SYT2: variants seen among roughly 807,000 people sequenced by gnomAD.
The protein encoded by SYT2 is synaptotagmin 2.
Under a neutral mutation model 39.9 loss-of-function variants are expected in SYT2, and 15 were observed. The observed-to-expected ratio is 0.38, with a 90% CI of 0.25 to 0.58. The LOEUF is 0.58. Among genes scored for constraint, SYT2 ranks in the 20% least tolerant of loss-of-function variants. The pLI is 0.70. For missense variants in SYT2, 389 were observed against 530.3 expected (o/e 0.73, Z 2.62); for synonymous variants, 181 against 204.5 (o/e 0.89, Z 0.98).
intron 1 of SYT2, among the ~76,000 whole-genome samples, chr1:202,629,870 G>GT (rs955223177): frequency 7.3e-5 from 9 of 123,396 alleles, no homozygotes; most frequent in African/African-American, 1.5e-4. Context: ...CAGCTGGTGG[G>GT]GGGGGGGGGG....
chr1:202,596,619 A>T lies in SYT2; in HGVS notation c.*138T>A, dbSNP rs1690305606. On this transcript the variant is annotated 3_prime_UTR_variant, in exon 9 of 9. Transcript: ENST00000367268. ...AGGGAAGTTGGTCTTTAAAAAGAGA[A>T]AAACAAGGAAAAACAAGGACACAAC... is the stretch of plus-strand genomic sequence containing the variant. 4.8e-6 allele frequency: 4 copies of T among 827,978 alleles called. No homozygotes were observed. Among genetic ancestry groups the T allele is most frequent in the Non-Finnish European group, 7.4e-6 (4 of 542,832 alleles). The allele number at this position is 827,978 out of a possible 1,614,324, so 51.3% of individuals were successfully genotyped here.
chr1:202,625,211 A>G (rs62651581), intron 1 of SYT2, among the ~76,000 whole-genome samples: 7 of 59,792 alleles, frequency 1.2e-4, no homozygotes, highest in Admixed American at 2.0e-4. Context: ...TGTGTGTGTG[A>G]TGTTTGTGGT....
In SYT2 at chr1:202,614,964, C is replaced by T. The variant is rs540099116; in HGVS notation, c.-17-9175G>A. On this transcript the variant is annotated intron_variant, in intron 1 of 8. Coordinates refer to ENST00000367268, the MANE Select transcript of SYT2 (RefSeq NM_177402.5). This position sits in a 1 kb window ranked among gnomAD's most constrained non-coding sequence, Gnocchi z 4.0. ...CCTTTTAGGGTGGGGGCAGGGGTAACATGTACAAATGTATATTTTAAAAGT... is the reference window on the plus strand; with the variant it reads ...CCTTTTAGGGTGGGGGCAGGGGTAATATGTACAAATGTATATTTTAAAAGT... 6.6e-6 allele frequency among the ~76,000 whole-genome samples: 1 copy of T among 152,254 alleles called. No homozygotes were observed. Among genetic ancestry groups the T allele is most frequent in the South Asian group, 2.1e-4 (1 of 4,816 alleles).
intron 3 of SYT2, among the ~76,000 whole-genome samples, chr1:202,603,546 G>A (rs2149070094): frequency 6.6e-6 from 1 of 152,298 alleles, no homozygotes; most frequent in South Asian, 2.1e-4. Flanking sequence ...AGGCAGACAG[G>A]AGCAGAGTGA....
intron 1 of SYT2, among the ~76,000 whole-genome samples, chr1:202,631,805 C>T (rs1691601326): frequency 6.6e-6 from 1 of 152,144 alleles, no homozygotes; most frequent in Non-Finnish European, 1.5e-5. Flanking sequence ...TGAGGTTAGC[C>T]CACTATTGGG....
At chr1:202,667,203 A>T (rs900569359) in intron 1 of SYT2, among the ~76,000 whole-genome samples, 1 of 144,298 alleles carries the variant, frequency 6.9e-6, no homozygotes. Flanking sequence ...GGCTGGGAGG[A>T]AAAAAAGGAG....
intron 1 of SYT2, among the ~76,000 whole-genome samples, chr1:202,675,627 G>A (rs752421918): frequency 2.0e-5 from 3 of 152,080 alleles, no homozygotes; most frequent in Non-Finnish European, 4.4e-5. Context: ...CCTGGACACC[G>A]AGCAGGAAGA....
At position 202,593,346 on chromosome 1, in the gene SYT2, C is replaced by G. The variant is rs1690189027; in HGVS notation, c.*3411G>C. On this transcript the variant is annotated 3_prime_UTR_variant, in exon 9 of 9. Coordinates refer to ENST00000367268, the MANE Select transcript of SYT2 (RefSeq NM_177402.5). ...CTGTCACCCACCCTTACCCCCACCC[C>G]ACTGCATGGAGGCAGGTTTATAAGA... 6.6e-6 allele frequency: 1 copy of G among 152,218 alleles called. No individual in the cohort carries two copies. The highest frequency in any genetic ancestry group is 1.5e-5 in the Non-Finnish European group (1 of 68,068). The allele number at this position is 152,218 out of a possible 1,614,324, so 9.4% of individuals were successfully genotyped here. A position where few individuals can be genotyped will look rare whatever the true frequency, so the allele number is the denominator to read the frequency against.
At position 202,600,371 on chromosome 1, in the gene SYT2, A is replaced by AC; in HGVS notation, c.904dup (p.Val302GlyfsTer43). The AC allele has an allele frequency of 6.2e-7, 1 of 1,614,160 alleles. No homozygotes were observed. The highest frequency in any genetic ancestry group is 1.3e-5 in the African/African-American group (1 of 75,050). On this transcript the variant is annotated frameshift_variant, in exon 7 of 9. Transcript: ENST00000367268. LOFTEE classifies it high-confidence loss of function. ...TCTCCACGTACCTGAAAGGCCGCCC[A>AC]CGTCCATCTTCTTGAGGTTCTTAGC...
Position 202,600,373 on chromosome 1 carries a change from G to A in SYT2, c.903C>T (p.Asp301=), listed in dbSNP as rs780359132. The part of the protein sequence containing the change: ...ILEAKNLKKM[D]VGGLSDPYVK... ...TCCACGTACCTGAAAGGCCGCCCAC[G>A]TCCATCTTCTTGAGGTTCTTAGCCT... Residue 301 remains aspartate (D), a synonymous_variant, in exon 7 of 9, where the codon GAC becomes GAT. Coordinates refer to ENST00000367268, the MANE Select transcript of SYT2 (RefSeq NM_177402.5). 20 of 1,614,140 alleles carry A rather than the reference G, an allele frequency of 1.2e-5. No homozygotes were observed. Among genetic ancestry groups the A allele is most frequent in the African/African-American group, 2.7e-5 (2 of 75,050 alleles).
At chr1:202,672,029 A>G (rs1230668204) in intron 1 of SYT2, among the ~76,000 whole-genome samples, 1 of 152,146 alleles carries the variant, frequency 6.6e-6, no homozygotes, top group Admixed American at 6.6e-5. Flanking sequence ...AGATAACAGA[A>G]AGAGATCCAC....
chr1:202,604,279 C>G (rs1369725817), intron 3 of SYT2, 176 bp downstream of exon 3: 13 of 659,002 alleles, frequency 2.0e-5, no homozygotes, highest in African/African-American at 5.4e-5. Flanking sequence ...AGGCCCCCCC[C>G]TCCCAGGGGC....
At chr1:202,692,161 A>G (rs921836812) in intron 1 of SYT2, among the ~76,000 whole-genome samples, 6 of 152,122 alleles carry the variant, frequency 3.9e-5, no homozygotes, top group African/African-American at 1.4e-4. Context: ...GAGAGCCCAG[A>G]TCTGGTACCC....
intron 1 of SYT2, among the ~76,000 whole-genome samples, chr1:202,622,210 C>T (rs1047349240): frequency 1.7e-4 from 26 of 152,212 alleles, no homozygotes; most frequent in Non-Finnish European, 3.7e-4. Flanking sequence ...AAATATATGT[C>T]TTTATGTTTT....
intron 1 of SYT2, among the ~76,000 whole-genome samples, chr1:202,661,702 G>C (rs116200091): frequency 0.016 from 2,436 of 152,270 alleles, 75 homozygotes; most frequent in African/African-American, 0.054. Flanking sequence ...ACACTCTGCA[G>C]GCGCTGGCCC....
intron 1 of SYT2, among the ~76,000 whole-genome samples, chr1:202,620,102 G>A (rs1691163716): frequency 6.6e-6 from 1 of 152,230 alleles, no homozygotes; most frequent in Non-Finnish European, 1.5e-5. Context: ...AATGATGCTG[G>A]AGAAGCAGGG....
chr1:202,660,835 G>A (rs182965471), intron 1 of SYT2, among the ~76,000 whole-genome samples: 7 of 152,194 alleles, frequency 4.6e-5, no homozygotes, highest in Admixed American at 4.6e-4. Context: ...AGATGGTTCT[G>A]AGCCCATCGC....
chr1:202,685,476 A>T (rs549211154), intron 1 of SYT2, among the ~76,000 whole-genome samples: 25 of 152,292 alleles, frequency 1.6e-4, no homozygotes, highest in African/African-American at 5.1e-4. Context: ...CCAATATTTT[A>T]AAAATAAAAG....
chr1:202,679,091 G>A (rs991636465), intron 1 of SYT2, among the ~76,000 whole-genome samples: 6 of 152,080 alleles, frequency 3.9e-5, no homozygotes, highest in South Asian at 4.1e-4. Context: ...CTGGGGCGAC[G>A]CCCATCTCTC....
Sources: gnomAD v4.1 joint callset for allele counts (sites outside exome capture counted in the v4.1 genomes callset) on GRCh38, gnomAD v4.1.1 for gene constraint, Gnocchi (gnomAD v3.1) non-coding constraint, MANE v1.5 for transcripts, NCBI Gene and HGNC (gene_info 2026-07-23, HGNC 2026-07-21) for gene names.